The following WWP1 variants were observed in gnomAD, a reference collection of about 807,000 sequenced individuals.
WWP1 encodes WW domain containing E3 ubiquitin protein ligase 1, also known as NEDD4-like E3 ubiquitin-protein ligase WWP1.
In WWP1, 49 loss-of-function variants were observed where a neutral mutation model predicts 130.6. The observed-to-expected ratio is 0.38, with a 90% CI of 0.30 to 0.48. The LOEUF is 0.48. WWP1 is among the 20% of genes least tolerant of loss of function. The pLI, the probability that WWP1 is intolerant of heterozygous loss-of-function variation, is 0.99. For missense variants in WWP1, 809 were observed against 1,100.6 expected, an observed-to-expected ratio of 0.74 and a Z score of 3.75; for synonymous variants, 332 against 367.8, an observed-to-expected ratio of 0.90 and a Z score of 1.11.
At chr8:86,433,165 T>C (rs1438659718) in intron 14 of WWP1, among the ~76,000 whole-genome samples, 1 of 152,098 alleles carries the variant, frequency 6.6e-6, no homozygotes, top group East Asian at 1.9e-4. Flanking sequence ...ACTTTCTTGA[T>C]TTCCCTCTGC....
chr8:86,430,932 A>G (rs1809923618), intron 12 of WWP1, among the ~76,000 whole-genome samples, 181 bp downstream of exon 12: 1 of 140,610 alleles, frequency 7.1e-6, no homozygotes, highest in East Asian at 2.0e-4. Flanking sequence ...TATATATTCT[A>G]TATATTATAT....
At chr8:86,389,138 A>G (rs12335013) in intron 5 of WWP1, among the ~76,000 whole-genome samples, 22,347 of 152,024 alleles carry the variant, frequency 0.15, 1,800 homozygotes, top group Non-Finnish European at 0.19. Flanking sequence ...TACAAAACAT[A>G]TAAAGAATAT....
rs769774228 is a variant in WWP1, at chr8:86,378,294, G to A, written c.71-2432G>A. Among the ~76,000 whole-genome samples the A allele has an allele frequency of 4.3e-4, 65 of 152,086 alleles. No homozygotes were observed. In the Middle Eastern group the frequency reaches 0.01, roughly 24 times the overall value. ...TTGGAGCTAATTGAAATATTTCAAT[G>A]TTAAACTTTTCAAATCTAGGAATAT... On this transcript the variant is annotated intron_variant, in intron 3 of 24. Transcript: ENST00000517970.
chr8:86,385,134 TATCCTTAAATTCTGATTTGA>T (rs1255085972), intron 5 of WWP1, among the ~76,000 whole-genome samples: 2 of 152,232 alleles, frequency 1.3e-5, no homozygotes, highest in Non-Finnish European at 2.9e-5. Flanking sequence ...TTTTTGTTCC[TATCCTTAAATTCTGATTTGA>T]GGGGCAAGGT....
chr8:86,437,598 A>G (rs1810361975), intron 16 of WWP1, among the ~76,000 whole-genome samples: 1 of 152,154 alleles, frequency 6.6e-6, no homozygotes, highest in South Asian at 2.1e-4. Context: ...TAGAAGGAGG[A>G]AAGAGTATAG....
At chr8:86,420,779 A>T (rs1809159461) in intron 9 of WWP1, among the ~76,000 whole-genome samples, 1 of 152,188 alleles carries the variant, frequency 6.6e-6, no homozygotes, top group African/African-American at 2.4e-5. Flanking sequence ...ATATATAATT[A>T]TATAGCTATG....
At chr8:86,439,342 C>CAAAAAAAAAAAA (rs59635746) in intron 17 of WWP1, among the ~76,000 whole-genome samples, 2 of 127,050 alleles carry the variant, frequency 1.6e-5, no homozygotes, top group Admixed American at 1.8e-4. Flanking sequence ...GACGCTGTGT[C>CAAAAAAAAAAAA]AAAAAAAAAA....
At position 86,427,665 on chromosome 8, in the gene WWP1, C is replaced by T. The variant is rs750107029; in HGVS notation, c.1180C>T (p.Arg394Cys). 27 of 1,610,384 alleles carry T rather than the reference C, an allele frequency of 1.7e-5. No homozygotes were observed. Among genetic ancestry groups the T allele is most frequent in the Non-Finnish European group, 2.2e-5 (26 of 1,178,082 alleles). ...PPGWERRVDD[R>C]RRVYYVDHNT... Reference sequence around the variant, plus strand: ...TAGTTGGGAAAGAAGAGTTGATGATCGTAGAAGAGTTTATTATGTGGATCA... The same window carrying T: ...TAGTTGGGAAAGAAGAGTTGATGATTGTAGAAGAGTTTATTATGTGGATCA... Residue 394 changes from arginine to cysteine, a missense_variant, in exon 11 of 25, where the codon CGT becomes TGT. By Grantham distance (180) the Arg-to-Cys change is radical. This residue lies in a region of WWP1 where 450 missense variants were observed against 674.2 expected (regional missense o/e 0.67). Transcript: ENST00000517970.
chr8:86,377,333 G>GGT (rs963428996), intron 3 of WWP1, among the ~76,000 whole-genome samples: 2 of 151,356 alleles, frequency 1.3e-5, no homozygotes, highest in Non-Finnish European at 2.9e-5. Context: ...CCTGACCACA[G>GGT]GTGATCCGCC....
chr8:86,394,500 G>A (rs1370577405), intron 5 of WWP1, among the ~76,000 whole-genome samples: 1 of 152,124 alleles, frequency 6.6e-6, no homozygotes, highest in Non-Finnish European at 1.5e-5. Context: ...CATTTGGGGA[G>A]GTCAACCAAA....
chr8:86,352,479 C>T (rs981825079), intron 1 of WWP1, among the ~76,000 whole-genome samples: 1 of 152,110 alleles, frequency 6.6e-6, no homozygotes, highest in Non-Finnish European at 1.5e-5. Flanking sequence ...CCCGTCTTGG[C>T]CTCCCAAAGT....
intron 1 of WWP1, among the ~76,000 whole-genome samples, chr8:86,346,671 T>C (rs948742851): frequency 2.0e-5 from 3 of 152,232 alleles, no homozygotes; most frequent in African/African-American, 7.2e-5. Flanking sequence ...TATTACATGT[T>C]AATAAACTTT....
chr8:86,400,674 T>C (rs1414381194), intron 7 of WWP1, among the ~76,000 whole-genome samples: 1 of 152,248 alleles, frequency 6.6e-6, no homozygotes, highest in Non-Finnish European at 1.5e-5. Context: ...GATAATTTCA[T>C]AGTTGTATAA....
intron 1 of WWP1, among the ~76,000 whole-genome samples, chr8:86,363,420 C>A (rs542458576): frequency 7.2e-4 from 109 of 152,178 alleles, no homozygotes; most frequent in African/African-American, 2.6e-3. Context: ...TTGGTCTGGT[C>A]TTTTGGGGCC....
intron 5 of WWP1, among the ~76,000 whole-genome samples, chr8:86,397,499 A>T (rs1348840031): frequency 6.6e-6 from 1 of 152,184 alleles, no homozygotes; most frequent in African/African-American, 2.4e-5. Context: ...TGTACAACAC[A>T]TTATTTACTA....
At chr8:86,420,597 A>T (rs1472652033) in intron 9 of WWP1, among the ~76,000 whole-genome samples, 1 of 152,208 alleles carries the variant, frequency 6.6e-6, no homozygotes, top group East Asian at 1.9e-4. Context: ...AATTAAACAA[A>T]TCACAATAAG....
At chr8:86,445,980 T>TCTTTTCTTTC (rs60931992) in intron 18 of WWP1, among the ~76,000 whole-genome samples, 7 of 60,024 alleles carry the variant, frequency 1.2e-4, no homozygotes, top group Non-Finnish European at 2.1e-4. Context: ...TCTTTTCTTT[T>TCTTTTCTTTC]TTTTTTTTTT....
chr8:86,422,131 A>G (rs1809251512), intron 9 of WWP1, among the ~76,000 whole-genome samples: 1 of 152,148 alleles, frequency 6.6e-6, no homozygotes, highest in Non-Finnish European at 1.5e-5. Flanking sequence ...ATTTATCACA[A>G]AATACACATT....
At chr8:86,409,587 C>T (rs761949618) in intron 8 of WWP1, among the ~76,000 whole-genome samples, 18 of 151,328 alleles carry the variant, frequency 1.2e-4, no homozygotes, top group Non-Finnish European at 1.9e-4. Flanking sequence ...AGGCTGGGCA[C>T]AGTGGCTCAT....
Sources: gnomAD v4.1 joint callset for allele counts (sites outside exome capture counted in the v4.1 genomes callset) on GRCh38, gnomAD v4.1.1 for gene constraint, gnomAD v4.1.1 regional missense constraint, MANE v1.5 for transcripts, NCBI Gene and HGNC (gene_info 2026-07-23, HGNC 2026-07-21) for gene names.